Variants in CACNA2D3 observed in about 807,000 individuals in gnomAD.
CACNA2D3 encodes the protein voltage-dependent calcium channel subunit alpha-2/delta-3.
A neutral mutation model predicts 160.6 loss-of-function variants in CACNA2D3; 60 were observed. The observed-to-expected ratio is 0.37, with a 90% CI of 0.30 to 0.46. CACNA2D3 has a LOEUF of 0.46. Ranked by LOEUF, CACNA2D3 falls within the 20% of genes least tolerant of loss-of-function variation. The pLI is 1.00. For synonymous variants in CACNA2D3, 558 were observed against 492.9 expected, an observed-to-expected ratio of 1.13 and a Z score of -1.75; for missense variants, 1,205 against 1,365.0, an observed-to-expected ratio of 0.88 and a Z score of 1.85.
intron 9 of CACNA2D3, among the ~76,000 whole-genome samples, chr3:54,598,820 T>C (rs1367513068): frequency 6.6e-6 from 1 of 152,166 alleles, no homozygotes; most frequent in East Asian, 1.9e-4. Context: ...TGGCCATTGG[T>C]CAACATAGTC....
intron 4 of CACNA2D3, among the ~76,000 whole-genome samples, chr3:54,432,323 GTTA>G (rs774786576): frequency 3.3e-5 from 5 of 151,978 alleles, no homozygotes; most frequent in African/African-American, 9.7e-5. Context: ...CAATGATCTT[GTTA>G]TTATTATTAT....
rs182811061 is a variant in CACNA2D3 at position 54,768,395 on chromosome 3, C to A, written c.1380+4044C>A. Among the ~76,000 whole-genome samples the A allele has an allele frequency of 1.8e-3, 271 of 152,286 alleles. 2 individuals are homozygous for A. Among genetic ancestry groups the A allele is most frequent in the African/African-American group, 5.9e-3 (245 of 41,558 alleles). On this transcript the variant is annotated intron_variant, in intron 13 of 37. Coordinates refer to ENST00000474759, the MANE Select transcript of CACNA2D3 (RefSeq NM_018398.3). ...CAGATATAAGTTCATGAAGCAGATACAGCTTTGCATTAATATGATGCCTTG... is the reference window on the plus strand; with the variant it reads ...CAGATATAAGTTCATGAAGCAGATAAAGCTTTGCATTAATATGATGCCTTG...
chr3:54,251,355 C>G (rs1293157026), intron 2 of CACNA2D3, among the ~76,000 whole-genome samples: 2 of 152,168 alleles, frequency 1.3e-5, no homozygotes, highest in African/African-American at 4.8e-5. Flanking sequence ...GCATCTCTAA[C>G]TCTTTTATTA....
At chr3:55,068,569 A>G (rs570684608) in intron 35 of CACNA2D3, among the ~76,000 whole-genome samples, 7 of 152,294 alleles carry the variant, frequency 4.6e-5, no homozygotes, top group African/African-American at 1.7e-4. Flanking sequence ...GCAGAATTAA[A>G]TATTCTTAAA....
intron 2 of CACNA2D3, among the ~76,000 whole-genome samples, chr3:54,141,098 C>CGCGCACGTGCGT (rs59730153): frequency 0.065 from 4,198 of 64,584 alleles, 237 homozygotes; most frequent in African/African-American, 0.18. Flanking sequence ...CGCGCGCGCG[C>CGCGCACGTGCGT]GTGTGTGCAT....
chr3:54,706,086 A>G (rs189073052), intron 11 of CACNA2D3, among the ~76,000 whole-genome samples: 7 of 152,312 alleles, frequency 4.6e-5, no homozygotes, highest in Admixed American at 1.3e-4. Context: ...TCATTCCCAC[A>G]TTGAAGTCCA....
intron 2 of CACNA2D3, among the ~76,000 whole-genome samples, chr3:54,150,488 C>T (rs1257389332): frequency 6.6e-6 from 1 of 152,210 alleles, no homozygotes; most frequent in Non-Finnish European, 1.5e-5. Flanking sequence ...TCCTGTCTTG[C>T]TTCTTCAGCA....
intron 23 of CACNA2D3, among the ~76,000 whole-genome samples, chr3:54,887,266 A>G (rs1699948589): frequency 6.6e-6 from 1 of 151,928 alleles, no homozygotes; most frequent in East Asian, 1.9e-4. Flanking sequence ...TCTCTACTAA[A>G]AATACAAAAA....
chr3:54,370,852 A>C (rs1479898190), intron 3 of CACNA2D3, among the ~76,000 whole-genome samples: 2 of 151,896 alleles, frequency 1.3e-5, no homozygotes, highest in Non-Finnish European at 2.9e-5. Flanking sequence ...AAAAAAAAAA[A>C]ACAGTACACT....
intron 8 of CACNA2D3, among the ~76,000 whole-genome samples, chr3:54,579,207 A>C (rs2106735554): frequency 6.6e-6 from 1 of 152,262 alleles, no homozygotes; most frequent in East Asian, 1.9e-4. Context: ...GGTTTATAGA[A>C]CAGGTGAGGA....
chr3:54,542,453 TG>T (rs1330896182), intron 5 of CACNA2D3, among the ~76,000 whole-genome samples: 33 of 152,262 alleles, frequency 2.2e-4, no homozygotes, highest in Middle Eastern at 3.4e-3. Flanking sequence ...AGGAAGCCAG[TG>T]GTGGATCAGT....
intron 13 of CACNA2D3, among the ~76,000 whole-genome samples, chr3:54,806,231 A>T (rs574269673): frequency 3.3e-5 from 5 of 152,154 alleles, no homozygotes; most frequent in African/African-American, 1.2e-4. Context: ...GGAAATAAAG[A>T]GTATTCAATT....
intron 2 of CACNA2D3, among the ~76,000 whole-genome samples, chr3:54,184,780 G>C (rs1032550678): frequency 6.6e-6 from 1 of 152,214 alleles, no homozygotes; most frequent in Non-Finnish European, 1.5e-5. Flanking sequence ...GGGTGAAATG[G>C]AGGGAGGTTG....
intron 2 of CACNA2D3, among the ~76,000 whole-genome samples, chr3:54,161,169 T>A (rs1190445305): frequency 3.9e-5 from 6 of 152,212 alleles, no homozygotes; most frequent in African/African-American, 1.4e-4. Context: ...ATCCCAGCTC[T>A]GCCAATATTA....
chr3:54,800,255 C>T (rs1702955127), intron 13 of CACNA2D3, among the ~76,000 whole-genome samples: 1 of 152,154 alleles, frequency 6.6e-6, no homozygotes, highest in Non-Finnish European at 1.5e-5. Context: ...GTCGTTAGAC[C>T]CTGGACTGCC....
At chr3:54,437,754 C>G (rs1413480516) in intron 4 of CACNA2D3, among the ~76,000 whole-genome samples, 2 of 152,218 alleles carry the variant, frequency 1.3e-5, no homozygotes, top group East Asian at 3.8e-4. Context: ...TTATTCATTG[C>G]AGCATGGATG....
chr3:54,373,503 A>G (rs1014467350), intron 3 of CACNA2D3, among the ~76,000 whole-genome samples: 1 of 152,208 alleles, frequency 6.6e-6, no homozygotes, highest in Admixed American at 6.5e-5. Context: ...AAGCATGCCT[A>G]TATTATATAT....
intron 25 of CACNA2D3, among the ~76,000 whole-genome samples, chr3:54,896,509 C>T (rs1575538078): frequency 6.6e-6 from 1 of 152,242 alleles, no homozygotes; most frequent in Non-Finnish European, 1.5e-5. Context: ...AATTAGTTCA[C>T]TAGATATACA....
chr3:54,499,126 G>T (rs755617736), intron 4 of CACNA2D3, among the ~76,000 whole-genome samples: 1 of 152,188 alleles, frequency 6.6e-6, no homozygotes, highest in East Asian at 1.9e-4. Flanking sequence ...AAGTAGTATT[G>T]CTACAGGACC....
Sources: gnomAD v4.1 joint callset for allele counts (sites outside exome capture counted in the v4.1 genomes callset) on GRCh38, gnomAD v4.1.1 for gene constraint, MANE v1.5 for transcripts, NCBI Gene and HGNC (gene_info 2026-07-23, HGNC 2026-07-21) for gene names.